PACS2: variants seen among roughly 807,000 people sequenced by gnomAD.
PACS2 encodes the protein phosphofurin acidic cluster sorting protein 2, also known as PACS1-like protein.
PACS2 carries 36 observed loss-of-function variants against 113.0 expected under a neutral mutation model. That is an observed-to-expected ratio of 0.32 (90% CI 0.24 to 0.42). The LOEUF is 0.42. Ranked by LOEUF, PACS2 falls within the 10% of genes least tolerant of loss-of-function variation. The probability of loss-of-function intolerance (pLI) is 1.00; values close to 1 mark genes in which losing one functional copy is unlikely to be tolerated. For missense variants in PACS2, 1,015 were observed against 1,239.5 expected (o/e 0.82, Z 2.72); for synonymous variants, 589 against 536.1 (o/e 1.10, Z -1.36).
At chr14:105,336,433 G>C (rs1188690822) in intron 1 of PACS2, 1 of 152,416 alleles carries the variant, frequency 6.6e-6, no homozygotes, top group Non-Finnish European at 1.5e-5. Context: ...CCAAGCACAG[G>C]ATGCAGCCCA....
chr14:105,314,907 G>A lies in PACS2; in HGVS notation c.-12G>A. On this transcript the variant is annotated 5_prime_UTR_variant, in exon 1 of 25. Coordinates refer to ENST00000447393, the MANE Select transcript of PACS2 (RefSeq NM_001100913.3). Reference sequence around the variant, plus strand: ...AGCCCCAGGCCGCCGAGGGAGCGGCGGGGCCGGCGCCATGGCCGAGCGAGG... The same window carrying A: ...AGCCCCAGGCCGCCGAGGGAGCGGCAGGGCCGGCGCCATGGCCGAGCGAGG... 1 of 995,342 alleles carries A rather than the reference G, an allele frequency of 1.0e-6. No homozygotes were observed. The allele number at this position is 995,342 out of a possible 1,614,324, so 61.7% of individuals were successfully genotyped here.
chr14:105,379,670 G>T, intron 9 of PACS2, 69 bp from the exon 10 acceptor site: 1 of 1,277,290 alleles, frequency 7.8e-7, no homozygotes, highest in South Asian at 1.2e-5. Context: ...TGTGGTGGGA[G>T]AACTGCGCTT....
At chr14:105,344,528 A>G (rs1047444157) in intron 1 of PACS2, among the ~76,000 whole-genome samples, 3 of 152,148 alleles carry the variant, frequency 2.0e-5, no homozygotes, top group African/African-American at 7.2e-5. Flanking sequence ...GAAAATTGGT[A>G]CATTTTATCA....
In PACS2 at chr14:105,382,426, G is replaced by C. The variant is rs782522893; in HGVS notation, c.1414-51G>C. On this transcript the variant is annotated intron_variant, in intron 13 of 24. Transcript: ENST00000447393. ...CAGGCACCAGGGCTGGCGTGGTGGGGATGGGCGCTGTGCTTCTCTTCTGGG... is the reference window on the plus strand; with the variant it reads ...CAGGCACCAGGGCTGGCGTGGTGGGCATGGGCGCTGTGCTTCTCTTCTGGG... The C allele has an allele frequency of 4.6e-6, 5 of 1,091,932 alleles. No individual in the cohort carries two copies. In the Admixed American group the frequency reaches 8.5e-5, roughly 18 times the overall value. 67.6% of individuals were successfully genotyped at this position (1,091,932 alleles called of 1,614,324 possible).
intron 1 of PACS2, among the ~76,000 whole-genome samples, chr14:105,325,146 G>T (rs73359013): frequency 0.04 from 6,013 of 149,764 alleles, 434 homozygotes; most frequent in African/African-American, 0.14. Context: ...CAGCCCTGAG[G>T]GCACCGTCGT....
At chr14:105,322,521 C>T (rs1211135270) in intron 1 of PACS2, among the ~76,000 whole-genome samples, 1 of 152,226 alleles carries the variant, frequency 6.6e-6, no homozygotes, top group Non-Finnish European at 1.5e-5. Flanking sequence ...CCGCCTCGGC[C>T]TCCCAAAGTG....
In PACS2 at chr14:105,330,227, G is replaced by A. The variant is rs587700275; in HGVS notation, c.119+15190G>A. Among the ~76,000 whole-genome samples, 54 of 141,156 alleles carry A rather than the reference G, an allele frequency of 3.8e-4. No homozygotes were observed. Among genetic ancestry groups the A allele is most frequent in the African/African-American group, 1.5e-3 (54 of 37,098 alleles). The allele number at this position is 141,156 out of a possible 152,430, so 92.6% of individuals were successfully genotyped here. On this transcript the variant is annotated intron_variant, in intron 1 of 24. Transcript: ENST00000447393. This position sits in a 1 kb window ranked among gnomAD's most constrained non-coding sequence, Gnocchi z 6.9. ...GAAGCCTGGGGTCCGTGTGTGGGAC[G>A]GAACGGGGACAGGGAGCCTCCGAGA...
Position 105,314,997 on chromosome 14 carries a change from A to G in PACS2, c.79A>G (p.Thr27Ala), listed in dbSNP as rs970691446. ...NTPVPMNLFA[T>A]WEVDGSSPSC... ...GCCCGTGCCCATGAACCTGTTCGCC[A>G]CCTGGGAGGTGGACGGCTCCAGCCC... The change falls in exon 1 of 25, where the codon ACC (threonine) becomes GCC (alanine). Residue 27 changes from threonine to alanine, a missense_variant. Coordinates refer to ENST00000447393, the MANE Select transcript of PACS2 (RefSeq NM_001100913.3). 2.5e-4 allele frequency: 313 copies of G among 1,251,354 alleles called. 4 individuals carry two copies. Among genetic ancestry groups the G allele is most frequent in the Non-Finnish European group, 3.4e-5 (33 of 977,528 alleles). 77.5% of individuals were successfully genotyped at this position (1,251,354 alleles called of 1,614,324 possible). A position where few individuals can be genotyped will look rare whatever the true frequency, so the allele number is the denominator to read the frequency against.
At chr14:105,344,266 G>T (rs375975007) in intron 1 of PACS2, among the ~76,000 whole-genome samples, 2,255 of 149,268 alleles carry the variant, frequency 0.015, 56 homozygotes, top group African/African-American at 0.051. Flanking sequence ...TTTTTGTTTT[G>T]TTTTGTTTTT....
intron 9 of PACS2, among the ~76,000 whole-genome samples, chr14:105,377,858 G>T (rs1022822799): frequency 5.3e-5 from 8 of 152,230 alleles, no homozygotes; most frequent in African/African-American, 1.9e-4. Flanking sequence ...CCAGGGTCTC[G>T]CTGGGCTCGG....
chr14:105,373,857 G>C (rs1387761052), intron 8 of PACS2, among the ~76,000 whole-genome samples: 2 of 151,904 alleles, frequency 1.3e-5, no homozygotes, highest in Non-Finnish European at 2.9e-5. Flanking sequence ...GATCAGCTGG[G>C]TGCGGTGGCT....
At chr14:105,352,319 G>T in intron 2 of PACS2, 59 bp from the exon 3 acceptor site, 1 of 1,112,350 alleles carries the variant, frequency 9.0e-7, no homozygotes, top group Non-Finnish European at 1.4e-6. Context: ...CGGTGTCTTT[G>T]CCTGGTTTCC....
At chr14:105,351,268 A>G (rs1372243272) in intron 2 of PACS2, among the ~76,000 whole-genome samples, 1 of 152,154 alleles carries the variant, frequency 6.6e-6, no homozygotes, top group African/African-American at 2.4e-5. Context: ...CGTTCAATCC[A>G]TTAGGAATCT....
chr14:105,316,084 G>GA (rs1244373515), intron 1 of PACS2, among the ~76,000 whole-genome samples: 2 of 152,218 alleles, frequency 1.3e-5, no homozygotes, highest in Non-Finnish European at 2.9e-5. Flanking sequence ...GCGTGGTGTT[G>GA]GAGTTGCAGA....
At chr14:105,319,162 G>A (rs1262651925) in intron 1 of PACS2, among the ~76,000 whole-genome samples, 1 of 151,538 alleles carries the variant, frequency 6.6e-6, no homozygotes, top group Admixed American at 6.6e-5. Context: ...TGGCCAGGAT[G>A]GTCTCGATCT....
chr14:105,368,014 C>A, intron 5 of PACS2, 60 bp from the exon 6 acceptor site: 1 of 1,152,956 alleles, frequency 8.7e-7, no homozygotes, highest in Non-Finnish European at 1.3e-6. Flanking sequence ...GGGGTGGTCA[C>A]TGCCTGGTTT....
chr14:105,382,088 A>G (rs1218060946), intron 13 of PACS2, 30 bp downstream of exon 13: 2 of 1,536,938 alleles, frequency 1.3e-6, no homozygotes, highest in Non-Finnish European at 1.8e-6. Context: ...CACGCCCAGG[A>G]GGCAGGGCTC....
intron 4 of PACS2, among the ~76,000 whole-genome samples, chr14:105,364,419 T>TCCCGGGTGCGCGGTGGGCGGC (rs2060865269): frequency 7.5e-5 from 5 of 66,914 alleles, no homozygotes; most frequent in African/African-American, 2.6e-4. Context: ...CGGTGGGCGG[T>TCCCGGGTGCGCGGTGGGCGGC]GTCCCGGGTG....
intron 1 of PACS2, among the ~76,000 whole-genome samples, chr14:105,346,418 C>G (rs1258471074): frequency 6.6e-6 from 1 of 151,850 alleles, no homozygotes; most frequent in Non-Finnish European, 1.5e-5. Flanking sequence ...CTCGCGTCTG[C>G]AGCCCTGTCT....
Sources: allele counts gnomAD v4.1 joint callset (sites outside exome capture counted in the v4.1 genomes callset), GRCh38; gene constraint gnomAD v4.1.1; non-coding constraint Gnocchi (gnomAD v3.1); transcripts MANE v1.5; gene names NCBI Gene and HGNC (gene_info 2026-07-23, HGNC 2026-07-21).